Variants in IFI27 observed in about 807,000 individuals in gnomAD.
The protein encoded by IFI27 is interferon alpha-inducible protein 27, mitochondrial.
A neutral mutation model predicts 8.9 loss-of-function variants in IFI27; 3 were observed. The ratio of observed to expected loss-of-function variants is 0.34; its 90% confidence interval spans 0.15 to 0.87. The LOEUF is 0.87. Among genes scored for constraint, IFI27 ranks in the 40% least tolerant of loss-of-function variants. The pLI is 0.51. For synonymous variants in IFI27, 66 were observed against 67.3 expected (o/e 0.98, Z 0.09); for missense variants, 152 against 157.7 (o/e 0.96, Z 0.19).
chr14:94,114,763 C>T lies in IFI27; in HGVS notation c.92-88C>T, dbSNP rs1457781108. ...TGTGGCTCCCAACCTGGGGCAGCCCCCTGCCTCCCTTTAGATGGGCAATCG... is the reference window on the plus strand; with the variant it reads ...TGTGGCTCCCAACCTGGGGCAGCCCTCTGCCTCCCTTTAGATGGGCAATCG... On this transcript the variant is annotated intron_variant, in intron 2 of 4. Transcript: ENST00000621160. 10 of 1,448,830 alleles carry T rather than the reference C, an allele frequency of 6.9e-6. No homozygotes were observed. In the East Asian group the frequency reaches 2.0e-4, roughly 30 times the overall value. The allele number at this position is 1,448,830 out of a possible 1,614,324, so 89.7% of individuals were successfully genotyped here.
upstream of IFI27, among the ~76,000 whole-genome samples, chr14:94,106,446 G>T (rs1887016204): frequency 6.6e-6 from 1 of 152,156 alleles, no homozygotes; most frequent in Non-Finnish European, 1.5e-5. Context: ...AGTGTGCAAT[G>T]GTTCCAATTA....
chr14:94,109,862 G>A (rs902292892), upstream of IFI27, among the ~76,000 whole-genome samples: 3 of 152,148 alleles, frequency 2.0e-5, no homozygotes, highest in Non-Finnish European at 2.9e-5. Context: ...TTTCTCTTCC[G>A]CCTGTTCTCA....
In IFI27 at chr14:94,111,881, T is replaced by C. The variant is rs1198442256; in HGVS notation, c.91+108T>C. ...GAGAAAATGGGGGACACCCGCAGCC[T>C]TGCTGCCCTGTCCTGTCTTCTCACA... is the stretch of plus-strand genomic sequence containing the variant. On this transcript the variant is annotated intron_variant, in intron 2 of 4. Transcript: ENST00000621160. The surrounding 1 kb of genome is among the most constrained non-coding windows in gnomAD (Gnocchi z 4.3). 2.3e-6 allele frequency: 2 copies of C among 873,560 alleles called. No homozygotes were observed. Among genetic ancestry groups the C allele is most frequent in the East Asian group, 5.0e-5 (2 of 40,306 alleles). 54.1% of individuals were successfully genotyped at this position (873,560 alleles called of 1,614,324 possible).
upstream of IFI27, among the ~76,000 whole-genome samples, chr14:94,106,934 G>A (rs1887022637): frequency 1.3e-5 from 2 of 152,148 alleles, no homozygotes; most frequent in Middle Eastern, 3.4e-3. Context: ...CCCCGACTAG[G>A]CCTCATCTCC....
exon 4 of IFI27, chr14:94,115,931 T>A: frequency 6.3e-7 from 1 of 1,579,822 alleles, no homozygotes; most frequent in Non-Finnish European, 8.6e-7. Context: ...GTGGCTACTC[T>A]GCAGTCACTG....
Position 94,111,894 on chromosome 14 carries a change from C to G in IFI27, c.91+121C>G. The stretch of plus-strand genomic sequence containing the variant: ...ACACCCGCAGCCTTGCTGCCCTGTC[C>G]TGTCTTCTCACAGCAGGCGTCCACC... On this transcript the variant is annotated intron_variant, in intron 2 of 4. Transcript: ENST00000621160. This position sits in a 1 kb window ranked among gnomAD's most constrained non-coding sequence, Gnocchi z 4.3. 1 of 812,644 alleles carries G rather than the reference C, an allele frequency of 1.2e-6. No individual in the cohort carries two copies. Among genetic ancestry groups the G allele is most frequent in the Non-Finnish European group, 2.1e-6 (1 of 474,722 alleles). The allele number at this position is 812,644 out of a possible 1,614,324, so 50.3% of individuals were successfully genotyped here. A position where few individuals can be genotyped will look rare whatever the true frequency, so the allele number is the denominator to read the frequency against.
rs1488166769 is a variant in IFI27 at position 94,111,643 on chromosome 14, A to T, written c.-40A>T. Reference sequence around the variant, plus strand: ...TCGGCAGGTCTGGCTGAAGTTGAGGATCTCTTACTCTCTAGGCCACGGAAT... The same window carrying T: ...TCGGCAGGTCTGGCTGAAGTTGAGGTTCTCTTACTCTCTAGGCCACGGAAT... On this transcript the variant is annotated 5_prime_UTR_variant, in exon 2 of 5. Coordinates refer to ENST00000621160, the Ensembl canonical transcript of IFI27. The surrounding 1 kb of genome is among the most constrained non-coding windows in gnomAD (Gnocchi z 4.3). 1.9e-6 allele frequency: 3 copies of T among 1,544,990 alleles called. No homozygotes were observed. The highest frequency in any genetic ancestry group is 2.7e-6 in the Non-Finnish European group (3 of 1,117,228).
upstream of IFI27, chr14:94,110,562 A>C (rs1199916256): frequency 1.3e-5 from 2 of 152,206 alleles, no homozygotes; most frequent in Admixed American, 1.3e-4. Flanking sequence ...CCATGGGCAA[A>C]TCCTATTTCT....
At chr14:94,114,950 C>T in intron 3 of IFI27, 70 bp downstream of exon 3, 2 of 1,410,714 alleles carry the variant, frequency 1.4e-6, no homozygotes, top group African/African-American at 1.4e-5. Flanking sequence ...AGCAGCTGGC[C>T]TTGTCCATGC....
intron 1 of IFI27, 53 bp downstream of exon 1, chr14:94,110,850 G>T (rs1887153303): frequency 6.5e-6 from 1 of 153,902 alleles, no homozygotes; most frequent in Non-Finnish European, 1.5e-5. Flanking sequence ...CCGGACCTTG[G>T]GTGGGCTGTG....
exon 4 of IFI27, chr14:94,115,865 A>C (rs1397333903): frequency 6.2e-7 from 1 of 1,603,686 alleles, no homozygotes; most frequent in Non-Finnish European, 8.5e-7. Context: ...ATAGCAGCCA[A>C]GATGATGTCC....
rs561393480 is a variant in IFI27 at position 94,116,598 on chromosome 14, C to T, written c.*71C>T. 29 of 1,182,858 alleles carry T rather than the reference C, an allele frequency of 2.5e-5. No individual in the cohort carries two copies. Among genetic ancestry groups the T allele is most frequent in the East Asian group, 2.4e-4 (10 of 40,852 alleles). 73.3% of individuals were successfully genotyped at this position (1,182,858 alleles called of 1,614,324 possible). A position where few individuals can be genotyped will look rare whatever the true frequency, so the allele number is the denominator to read the frequency against. Reference sequence around the variant, plus strand: ...AAGGCACCCAGCCATCCTGACCCAGCGAGGAGCCAACTATCCCAAATATAC... The same window carrying T: ...AAGGCACCCAGCCATCCTGACCCAGTGAGGAGCCAACTATCCCAAATATAC... On this transcript the variant is annotated 3_prime_UTR_variant, in exon 5 of 5. Coordinates refer to ENST00000621160, the Ensembl canonical transcript of IFI27. This position sits in a 1 kb window ranked among gnomAD's most constrained non-coding sequence, Gnocchi z 4.3.
intron 3 of IFI27, chr14:94,115,256 C>A: frequency 5.3e-6 from 3 of 568,316 alleles, no homozygotes; most frequent in South Asian, 4.6e-5. Context: ...TAGGGTGAAA[C>A]AATAGAGATT....
Position 94,111,817 on chromosome 14 carries a change from G to T in IFI27, c.91+44G>T, listed in dbSNP as rs773370002. 4.9e-6 allele frequency: 7 copies of T among 1,440,060 alleles called. No homozygotes were observed. The highest frequency in any genetic ancestry group is 5.9e-6 in the Non-Finnish European group (6 of 1,021,844). 89.2% of individuals were successfully genotyped at this position (1,440,060 alleles called of 1,614,324 possible). A position where few individuals can be genotyped will look rare whatever the true frequency, so the allele number is the denominator to read the frequency against. Reference sequence around the variant, plus strand: ...GGCTGGTGCTGGGGGCGAGGAGGCGGCTGGGAAGGGCGGGGGTCCTGTCCC... The same window carrying T: ...GGCTGGTGCTGGGGGCGAGGAGGCGTCTGGGAAGGGCGGGGGTCCTGTCCC... On this transcript the variant is annotated intron_variant, in intron 2 of 4. Transcript: ENST00000621160. The surrounding 1 kb of genome is among the most constrained non-coding windows in gnomAD (Gnocchi z 4.3).
In IFI27 at chr14:94,111,449, GC is replaced by G. The variant is rs554234517; in HGVS notation, c.-58-172del. On this transcript the variant is annotated intron_variant, in intron 1 of 4. Coordinates refer to ENST00000621160, the Ensembl canonical transcript of IFI27. The surrounding 1 kb of genome is among the most constrained non-coding windows in gnomAD (Gnocchi z 4.3). The stretch of plus-strand genomic sequence containing the variant: ...CTGACCTAACACAGGTCCTTTGGTA[GC>G]CCCAACTCCCCAACATCCCTCCCTC... 8.5e-5 allele frequency among the ~76,000 whole-genome samples: 13 copies of G among 152,184 alleles called. No individual in the cohort carries two copies. The South Asian group carries it at 2.7e-3, about 32-fold the overall frequency.
rs148342906 is a variant in IFI27, at chr14:94,111,469, C to T, written c.-58-156C>T. On this transcript the variant is annotated intron_variant, in intron 1 of 4. Transcript: ENST00000621160. The surrounding 1 kb of genome is among the most constrained non-coding windows in gnomAD (Gnocchi z 4.3). ...TGGTAGCCCCAACTCCCCAACATCC[C>T]TCCCTCCCTCACCCCAGGATCCTTT... 5.7e-3 allele frequency among the ~76,000 whole-genome samples: 868 copies of T among 152,228 alleles called. No individual in the cohort carries two copies. The highest frequency in any genetic ancestry group is 0.034 in the Middle Eastern group (10 of 294).
chr14:94,112,042 C>A, intron 2 of IFI27: 1 of 561,438 alleles, frequency 1.8e-6, no homozygotes, highest in Non-Finnish European at 3.2e-6. Context: ...CGGAAAGGGT[C>A]TATCTACCAC....
chr14:94,108,578 T>C (rs1887041585), upstream of IFI27, among the ~76,000 whole-genome samples: 1 of 152,176 alleles, frequency 6.6e-6, no homozygotes, highest in Non-Finnish European at 1.5e-5. Flanking sequence ...CTGGTACTGA[T>C]GTAGTAGCTG....
intron 2 of IFI27, 152 bp from the exon 3 acceptor site, chr14:94,114,699 A>C: frequency 1.4e-6 from 1 of 714,108 alleles, no homozygotes; most frequent in Non-Finnish European, 2.4e-6. Context: ...CCACTTCCCG[A>C]AATGAAGCAA....
Sources: allele counts gnomAD v4.1 joint callset (sites outside exome capture counted in the v4.1 genomes callset), GRCh38; gene constraint gnomAD v4.1.1; non-coding constraint Gnocchi (gnomAD v3.1); transcripts MANE v1.5; gene names NCBI Gene and HGNC (gene_info 2026-07-23, HGNC 2026-07-21).